The following ROS1 variants were observed in gnomAD, a reference collection of about 807,000 sequenced individuals.
ROS1 encodes the protein ROS proto-oncogene 1, receptor tyrosine kinase.
Under a neutral mutation model 273.5 loss-of-function variants are expected in ROS1, and 263 were observed. The observed-to-expected ratio is 0.96, with a 90% CI of 0.87 to 1.06. The LOEUF (loss-of-function observed/expected upper bound fraction) is 1.06. Among genes scored for constraint, ROS1 ranks in the 50% least tolerant of loss-of-function variants. The pLI is 0.00. For synonymous variants in ROS1, 1,008 were observed against 954.1 expected, an observed-to-expected ratio of 1.06 and a Z score of -1.04; for missense variants, 2,833 against 2,751.1, an observed-to-expected ratio of 1.03 and a Z score of -0.67.
intron 7 of ROS1, among the ~76,000 whole-genome samples, chr6:117,400,559 A>G (rs1409412466): frequency 6.6e-6 from 1 of 152,226 alleles, no homozygotes; most frequent in Admixed American, 6.5e-5. Flanking sequence ...AAAATGAGGA[A>G]GCAGGAATCT....
intron 12 of ROS1, among the ~76,000 whole-genome samples, chr6:117,392,630 G>T (rs1017470432): frequency 1.2e-4 from 19 of 152,084 alleles, no homozygotes; most frequent in African/African-American, 4.6e-4. Flanking sequence ...ATAAATCAAT[G>T]GTCATAGACA....
At chr6:117,414,718 C>T (rs1340828457) in intron 3 of ROS1, among the ~76,000 whole-genome samples, 173 bp from the exon 4 acceptor site, 3 of 152,144 alleles carry the variant, frequency 2.0e-5, no homozygotes, top group African/African-American at 7.2e-5. Context: ...AGGCAGGACA[C>T]TGTATAAGCA....
At chr6:117,372,127 C>G (rs1780843133) in intron 18 of ROS1, among the ~76,000 whole-genome samples, 1 of 152,198 alleles carries the variant, frequency 6.6e-6, no homozygotes, top group Admixed American at 6.5e-5. Flanking sequence ...ATGACAAACG[C>G]ATGGCCAACA....
chr6:117,405,290 T>C (rs1233611492), intron 5 of ROS1, among the ~76,000 whole-genome samples: 1 of 152,198 alleles, frequency 6.6e-6, no homozygotes, highest in Non-Finnish European at 1.5e-5. Context: ...ATAAAGTCTA[T>C]ACTCTGTAAT....
intron 31 of ROS1, among the ~76,000 whole-genome samples, chr6:117,339,294 G>A (rs1405595979): frequency 6.6e-6 from 1 of 152,124 alleles, no homozygotes; most frequent in Non-Finnish European, 1.5e-5. Context: ...ATGGCCCAGG[G>A]AAGACAAAAG....
chr6:117,341,181 G>A lies in ROS1; in HGVS notation c.5015C>T (p.Ala1672Val), dbSNP rs1283157285. Reference sequence around the variant, plus strand: ...TCTGATGAGGTTAACATTCAATGGAGCCTTCCAATTAAATTGCAAACTAGT... The same window carrying A: ...TCTGATGAGGTTAACATTCAATGGAACCTTCCAATTAAATTGCAAACTAGT... ...ENTSLQFNWK[A>V]PLNVNLIRFW... Residue 1672 changes from alanine (A) to valine (V), a missense_variant, in exon 31 of 44, where the codon GCT becomes GTT. Coordinates refer to ENST00000368507, the MANE Select transcript of ROS1 (RefSeq NM_001378902.1). 6.2e-7 allele frequency: 1 copy of A among 1,612,988 alleles called. No individual in the cohort carries two copies. Among genetic ancestry groups the A allele is most frequent in the Non-Finnish European group, 8.5e-7 (1 of 1,179,370 alleles).
At chr6:117,346,483 G>C (rs1778387100) in intron 27 of ROS1, among the ~76,000 whole-genome samples, 1 of 151,560 alleles carries the variant, frequency 6.6e-6, no homozygotes, top group African/African-American at 2.4e-5. Context: ...TGCCACTCTT[G>C]GGACTTCATT....
chr6:117,405,293 T>G lies in ROS1; in HGVS notation c.317-865A>C, dbSNP rs146376060. 4.5e-3 allele frequency among the ~76,000 whole-genome samples: 684 copies of G among 152,298 alleles called. 7 individuals carry two copies. Among genetic ancestry groups the G allele is most frequent in the African/African-American group, 0.016 (658 of 41,560 alleles). On this transcript the variant is annotated intron_variant, in intron 5 of 43. Transcript: ENST00000368507. ...GACACGGACCAAATAAAGTCTATAC[T>G]CTGTAATCCAGAAAAATCAAGGCCA...
intron 43 of ROS1, among the ~76,000 whole-genome samples, chr6:117,289,119 T>C (rs2128521715): frequency 6.6e-6 from 1 of 152,362 alleles, no homozygotes; most frequent in Middle Eastern, 3.4e-3. Context: ...AACTCTGCCT[T>C]AACAAGCGGA....
intron 31 of ROS1, 61 bp downstream of exon 31, chr6:117,341,074 T>A: frequency 8.9e-7 from 1 of 1,128,240 alleles, no homozygotes; most frequent in Non-Finnish European, 1.3e-6. Flanking sequence ...TCTAGATGCA[T>A]GAAAAAGCCC....
chr6:117,404,834 T>A (rs2128727693), intron 5 of ROS1, among the ~76,000 whole-genome samples: 1 of 152,288 alleles, frequency 6.6e-6, no homozygotes, highest in African/African-American at 2.4e-5. Flanking sequence ...ATTTCTGAAA[T>A]TTTATACTCT....
intron 24 of ROS1, among the ~76,000 whole-genome samples, chr6:117,359,196 C>G (rs184575839): frequency 2.5e-4 from 38 of 152,312 alleles, no homozygotes; most frequent in African/African-American, 8.9e-4. Context: ...CACCACCAAG[C>G]CAACCTAGAC....
chr6:117,352,960 A>G, intron 27 of ROS1, 30 bp downstream of exon 27: 1 of 1,602,166 alleles, frequency 6.2e-7, no homozygotes. Flanking sequence ...AATTGGGAGA[A>G]CAAGCTGATT....
At chr6:117,297,875 T>C (rs1201324290) in intron 43 of ROS1, among the ~76,000 whole-genome samples, 1 of 152,186 alleles carries the variant, frequency 6.6e-6, no homozygotes, top group African/African-American at 2.4e-5. Flanking sequence ...ACTAGGTATC[T>C]ATCCAAAGGA....
At chr6:117,332,715 G>A (rs2128604960) in intron 32 of ROS1, among the ~76,000 whole-genome samples, 1 of 152,192 alleles carries the variant, frequency 6.6e-6, no homozygotes, top group Non-Finnish European at 1.5e-5. Context: ...ACAATTTCCT[G>A]GAAATTGAAC....
At position 117,396,215 on chromosome 6, in the gene ROS1, A is replaced by AT; in HGVS notation, c.855dup (p.Ser286IlefsTer2). The AT allele has an allele frequency of 6.2e-7, 1 of 1,613,844 alleles. No homozygotes were observed. On this transcript the variant is annotated frameshift_variant, in exon 9 of 44. Coordinates refer to ENST00000368507, the MANE Select transcript of ROS1 (RefSeq NM_001378902.1). LOFTEE classifies it high-confidence loss of function. Reference sequence around the variant, plus strand: ...GCTGAAGATGAAGTGGTAATACTAGATTCTGCTTCTGGACCCTCACCAACT... The same window carrying AT: ...GCTGAAGATGAAGTGGTAATACTAGATTTCTGCTTCTGGACCCTCACCAACT...
chr6:117,317,459 T>C (rs968347841), intron 38 of ROS1, among the ~76,000 whole-genome samples, 187 bp from the exon 39 acceptor site: 1 of 152,152 alleles, frequency 6.6e-6, no homozygotes. Context: ...TGGCAACCCC[T>C]AGTGGCCATG....
chr6:117,353,204 T>G (rs778634713), intron 26 of ROS1, 38 bp from the exon 27 acceptor site: 3 of 1,411,616 alleles, frequency 2.1e-6, no homozygotes, highest in South Asian at 3.1e-5. Flanking sequence ...AGAACAAAAT[T>G]AATATCTTAC....
In ROS1 at chr6:117,318,189, T is replaced by C. The variant is rs753178466; in HGVS notation, c.5986A>G (p.Ser1996Gly). The change falls in exon 38 of 44, where the codon AGC (serine) becomes GGC (glycine). Residue 1996 changes from serine to glycine, a missense_variant and splice_region_variant. Transcript: ENST00000368507. ...IEFLKEAHLM[S>G]KFNHPNILKQ... ...AGGAGAAAATTATTTCAGAGCTACC[T>C]CATCAGATGTGCCTCCTTCAGGAAT... 5 of 1,611,460 alleles carry C rather than the reference T, an allele frequency of 3.1e-6. No homozygotes were observed. Among genetic ancestry groups the C allele is most frequent in the Non-Finnish European group, 4.2e-6 (5 of 1,178,042 alleles).
Sources: allele counts gnomAD v4.1 joint callset (sites outside exome capture counted in the v4.1 genomes callset), GRCh38; gene constraint gnomAD v4.1.1; transcripts MANE v1.5; gene names NCBI Gene and HGNC (gene_info 2026-07-23, HGNC 2026-07-21).